The following ZNF253 variants were observed in gnomAD, a reference collection of about 807,000 sequenced individuals.
ZNF253 encodes the protein DNA-binding protein.
In ZNF253, 8 loss-of-function variants were observed where a neutral mutation model predicts 11.9. The observed-to-expected ratio is 0.67, with a 90% CI of 0.40 to 1.22. The LOEUF is 1.22. Ranked by LOEUF, ZNF253 falls within the 50% of genes most tolerant of loss-of-function variation. The pLI, the probability that ZNF253 is intolerant of heterozygous loss-of-function variation, is 0.01. For synonymous variants in ZNF253, 194 were observed against 194.9 expected, an observed-to-expected ratio of 1.00 and a Z score of 0.04; for missense variants, 485 against 586.9, an observed-to-expected ratio of 0.83 and a Z score of 1.79.
In ZNF253 at chr19:19,891,954, C is replaced by G; in HGVS notation, c.707C>G (p.Ala236Gly). ...KPYRCEECGK[A>G]FKQSSNLTTH... ...TACAGATGTGAAGAATGTGGCAAAG[C>G]CTTTAAGCAGTCCTCAAACCTTACT... Residue 236 changes from alanine (A) to glycine (G), a missense_variant, in exon 4 of 4, where the codon GCC becomes GGC. Ala to Gly is a moderately conservative substitution (Grantham distance 60). Coordinates refer to ENST00000589717, the MANE Select transcript of ZNF253 (RefSeq NM_021047.3). 1 of 1,613,840 alleles carries G rather than the reference C, an allele frequency of 6.2e-7. No homozygotes were observed. The highest frequency in any genetic ancestry group is 8.5e-7 in the Non-Finnish European group (1 of 1,179,980).
intron 1 of ZNF253, among the ~76,000 whole-genome samples, chr19:19,874,318 G>A (rs919849115): frequency 2.0e-5 from 3 of 152,014 alleles, no homozygotes; most frequent in South Asian, 2.1e-4. Flanking sequence ...AAGGTCAGGC[G>A]TTCCAAACCA....
At chr19:19,885,370 T>TGAGATGGA in intron 3 of ZNF253, among the ~76,000 whole-genome samples, 1 of 79,198 alleles carries the variant, frequency 1.3e-5, no homozygotes, top group African/African-American at 9.6e-5. Context: ...TTCTTTTCTT[T>TGAGATGGA]CTTTTCTTTC....
chr19:19,884,629 CCCAGTGTGCTATGAT>C (rs1179680701), intron 3 of ZNF253, among the ~76,000 whole-genome samples: 1 of 152,272 alleles, frequency 6.6e-6, no homozygotes, highest in African/African-American at 2.4e-5. Context: ...ACCTTGGCCT[CCCAGTGTGCTATGAT>C]TACAGGCTTG....
chr19:19,866,770 GT>G (rs908316607), intron 1 of ZNF253, among the ~76,000 whole-genome samples: 5 of 152,070 alleles, frequency 3.3e-5, no homozygotes, highest in Admixed American at 2.6e-4. Context: ...TTTGAAAGGG[GT>G]TTTTAACCCT....
At chr19:19,884,691 A>G (rs1279268462) in intron 3 of ZNF253, among the ~76,000 whole-genome samples, 1 of 152,138 alleles carries the variant, frequency 6.6e-6, no homozygotes, top group Non-Finnish European at 1.5e-5. Flanking sequence ...TATTTTAGAT[A>G]TAGATTTATA....
intron 1 of ZNF253, among the ~76,000 whole-genome samples, chr19:19,867,079 G>T (rs969571036): frequency 6.6e-6 from 1 of 152,126 alleles, no homozygotes. Context: ...GGTGGCTCAC[G>T]CCTGTAATAA....
chr19:19,885,366 TCTTTC>T lies in ZNF253; in HGVS notation c.226+5221_226+5225del, dbSNP rs1568499343. On this transcript the variant is annotated intron_variant, in intron 3 of 3. Coordinates refer to ENST00000589717, the MANE Select transcript of ZNF253 (RefSeq NM_021047.3). ...TCTTTCTTTCTTTCTTCCTTTCTTT[TCTTTC>T]TTTTCTTTCTTTTCTTTCTTTTCTT... Among the ~76,000 whole-genome samples the T allele has an allele frequency of 2.5e-3, 240 of 94,782 alleles. 17 individuals are homozygous for T. The highest frequency in any genetic ancestry group is 9.5e-3 in the African/African-American group (203 of 21,454). 62.2% of individuals were successfully genotyped at this position (94,782 alleles called of 152,430 possible).
At chr19:19,890,498 TTGTGTGTGTGTGTGTGTGTGTGTGTG>T (rs35114806) in intron 3 of ZNF253, among the ~76,000 whole-genome samples, 1 of 140,952 alleles carries the variant, frequency 7.1e-6, no homozygotes, top group Non-Finnish European at 1.5e-5. Flanking sequence ...CAATTTATAT[TTGTGTGTGTGTGTGTGTGTGTGTGTG>T]TGTGTGTGTG....
Position 19,894,210 on chromosome 19 carries a change from C to T in ZNF253, c.*1463C>T, listed in dbSNP as rs1048426520. 9.9e-5 allele frequency: 15 copies of T among 152,048 alleles called. No individual in the cohort carries two copies. Among genetic ancestry groups the T allele is most frequent in the African/African-American group, 2.4e-4 (10 of 41,392 alleles). 9.4% of individuals were successfully genotyped at this position (152,048 alleles called of 1,614,324 possible). On this transcript the variant is annotated 3_prime_UTR_variant, in exon 4 of 4. Coordinates refer to ENST00000589717, the MANE Select transcript of ZNF253 (RefSeq NM_021047.3). ...TTTTTTAAAAAGTGGATTTTTGAAG[C>T]ACTGTAATTACATTGAAAGTATACT... is the stretch of plus-strand genomic sequence containing the variant.
intron 2 of ZNF253, among the ~76,000 whole-genome samples, chr19:19,879,800 C>T (rs1329761069): frequency 3.3e-5 from 5 of 152,134 alleles, no homozygotes; most frequent in African/African-American, 1.2e-4. Flanking sequence ...AATTTAGTGG[C>T]ATAAAATATT....
chr19:19,870,390 TCA>T (rs2063129201), intron 1 of ZNF253, among the ~76,000 whole-genome samples: 1 of 128,004 alleles, frequency 7.8e-6, no homozygotes, highest in African/African-American at 2.9e-5. Flanking sequence ...AGATTGTGTC[TCA>T]AAAAAAAAAA....
intron 3 of ZNF253, among the ~76,000 whole-genome samples, chr19:19,882,045 C>T (rs781112096): frequency 5.3e-5 from 8 of 151,816 alleles, no homozygotes; most frequent in East Asian, 1.9e-4. Flanking sequence ...AAAAGTTAGC[C>T]GGGTGTGGTG....
At chr19:19,877,283 T>A (rs866816456) in intron 1 of ZNF253, among the ~76,000 whole-genome samples, 2 of 152,240 alleles carry the variant, frequency 1.3e-5, no homozygotes, top group East Asian at 3.8e-4. Context: ...TATTTTGAAG[T>A]TAGCATAAAA....
rs868657273 is a variant in ZNF253 at position 19,885,366 on chromosome 19, T to C, written c.226+5220T>C. The stretch of plus-strand genomic sequence containing the variant: ...TCTTTCTTTCTTTCTTCCTTTCTTT[T>C]CTTTCTTTTCTTTCTTTTCTTTCTT... On this transcript the variant is annotated intron_variant, in intron 3 of 3. Coordinates refer to ENST00000589717, the MANE Select transcript of ZNF253 (RefSeq NM_021047.3). 3.3e-3 allele frequency among the ~76,000 whole-genome samples: 314 copies of C among 94,514 alleles called. 7 individuals are homozygous for C. Among genetic ancestry groups the C allele is most frequent in the Admixed American group, 5.0e-3 (41 of 8,218 alleles). The allele number at this position is 94,514 out of a possible 152,430, so 62.0% of individuals were successfully genotyped here. A position where few individuals can be genotyped will look rare whatever the true frequency, so the allele number is the denominator to read the frequency against.
chr19:19,878,541 G>C lies in ZNF253; in HGVS notation c.64G>C (p.Asp22His). 6.2e-7 allele frequency: 1 copy of C among 1,614,014 alleles called. No homozygotes were observed. Among genetic ancestry groups the C allele is most frequent in the Non-Finnish European group, 8.5e-7 (1 of 1,179,978 alleles). ...EFSLEEWHCL[D>H]TAQRNLYRDV... ...CTCTCTGGAGGAGTGGCATTGCCTG[G>C]ACACTGCACAGCGGAATTTATATAG... The change falls in exon 2 of 4, where the codon GAC (aspartate) becomes CAC (histidine). Residue 22 changes from aspartate (D) to histidine (H), a missense_variant. Coordinates refer to ENST00000589717, the MANE Select transcript of ZNF253 (RefSeq NM_021047.3).
At chr19:19,887,647 C>A (rs906153805) in intron 3 of ZNF253, among the ~76,000 whole-genome samples, 12 of 148,786 alleles carry the variant, frequency 8.1e-5, no homozygotes, top group Non-Finnish European at 1.8e-4. Context: ...TTATTTTGAC[C>A]TCTTCTGCTC....
chr19:19,872,585 A>ATTATATATATATATATATATATTAT lies in ZNF253; in HGVS notation c.4-5895_4-5894insTATATATATATATATATATATTATT, dbSNP rs59790297. 2.4e-3 allele frequency among the ~76,000 whole-genome samples: 220 copies of ATTATATATATATATATATATATTAT among 90,382 alleles called. 2 individuals carry two copies. The highest frequency in any genetic ancestry group is 0.012 in the African/African-American group (191 of 16,356). The allele number at this position is 90,382 out of a possible 152,430, so 59.3% of individuals were successfully genotyped here. A position where few individuals can be genotyped will look rare whatever the true frequency, so the allele number is the denominator to read the frequency against. On this transcript the variant is annotated intron_variant, in intron 1 of 3. Coordinates refer to ENST00000589717, the MANE Select transcript of ZNF253 (RefSeq NM_021047.3). ...ACTATATATATATATATATATTATT[A>ATTATATATATATATATATATATTAT]TATATATATATATATAATCAAGTTT...
chr19:19,869,386 A>G (rs2063123336), intron 1 of ZNF253, among the ~76,000 whole-genome samples: 1 of 150,648 alleles, frequency 6.6e-6, no homozygotes, highest in African/African-American at 2.4e-5. Flanking sequence ...TTTTTTTTCG[A>G]GGTGTTTTGC....
At chr19:19,877,816 A>G (rs906922762) in intron 1 of ZNF253, among the ~76,000 whole-genome samples, 8 of 152,134 alleles carry the variant, frequency 5.3e-5, no homozygotes, top group African/African-American at 1.9e-4. Flanking sequence ...TTCATTAAGT[A>G]TTTTTATGCA....
Sources: allele counts gnomAD v4.1 joint callset (sites outside exome capture counted in the v4.1 genomes callset), GRCh38; gene constraint gnomAD v4.1.1; transcripts MANE v1.5; gene names NCBI Gene and HGNC (gene_info 2026-07-23, HGNC 2026-07-21).